Variants in PDE4D observed in about 807,000 individuals in gnomAD.
PDE4D encodes 3',5'-cyclic-AMP phosphodiesterase 4D.
Under a neutral mutation model 87.4 loss-of-function variants are expected in PDE4D, and 24 were observed. The ratio of observed to expected loss-of-function variants is 0.27; its 90% confidence interval spans 0.20 to 0.39. PDE4D has a LOEUF of 0.39. Among genes scored for constraint, PDE4D ranks in the 10% least tolerant of loss-of-function variants. PDE4D has a pLI of 1.00. For synonymous variants in PDE4D, 384 were observed against 383.2 expected, an observed-to-expected ratio of 1.00 and a Z score of -0.02; for missense variants, 714 against 1,041.0, an observed-to-expected ratio of 0.69 and a Z score of 4.32.
intron 1 of PDE4D, among the ~76,000 whole-genome samples, chr5:59,248,518 C>A (rs764859121): frequency 6.6e-6 from 1 of 151,996 alleles, no homozygotes; most frequent in Non-Finnish European, 1.5e-5. Context: ...ATAATCAACT[C>A]CCTGGGACAA....
chr5:59,200,033 G>A (rs367841535), intron 2 of PDE4D, among the ~76,000 whole-genome samples: 1,843 of 94,616 alleles, frequency 0.019, 12 homozygotes, highest in Admixed American at 0.033. Flanking sequence ...ATACATACAT[G>A]CACACACACG....
intron 1 of PDE4D, among the ~76,000 whole-genome samples, chr5:59,681,553 C>T (rs1343987852): frequency 6.6e-6 from 1 of 152,030 alleles, no homozygotes; most frequent in African/African-American, 2.4e-5. Flanking sequence ...TGAGAGCATT[C>T]CCTTCATGAA....
intron 1 of PDE4D, among the ~76,000 whole-genome samples, chr5:59,536,532 A>AG (rs1815300686): frequency 6.9e-6 from 1 of 144,710 alleles, no homozygotes; most frequent in Non-Finnish European, 1.5e-5. Context: ...AAAAAAAAAA[A>AG]AAAATTACCT....
At chr5:59,046,110 C>T (rs1244681827) in intron 5 of PDE4D, among the ~76,000 whole-genome samples, 1 of 152,066 alleles carries the variant, frequency 6.6e-6, no homozygotes, top group Non-Finnish European at 1.5e-5. Flanking sequence ...TGGAATTCAC[C>T]AGAATTTCTT....
intron 3 of PDE4D, among the ~76,000 whole-genome samples, chr5:59,955,121 GAAGAGGTTATAT>G (rs1758693010): frequency 6.6e-6 from 1 of 152,078 alleles, no homozygotes; most frequent in Non-Finnish European, 1.5e-5. Context: ...ATAAGTAAAA[GAAGAGGTTATAT>G]AAGCTTTTAT....
At chr5:59,000,872 AGAGACGGG>A (rs1230222726) in intron 6 of PDE4D, among the ~76,000 whole-genome samples, 2 of 152,020 alleles carry the variant, frequency 1.3e-5, no homozygotes, top group African/African-American at 4.8e-5. Context: ...TATTTTTAGC[AGAGACGGG>A]ATTTCACCAT....
In PDE4D at chr5:59,463,839, T is replaced by C. The variant is rs192288339; in HGVS notation, c.456-247871A>G. ...GTCACTGTGTCTGTGTAGAAAGAAG[T>C]AGACATAGGAGACTCCATTTTGTTC... On this transcript the variant is annotated intron_variant, in intron 1 of 14. Coordinates refer to ENST00000340635, the MANE Select transcript of PDE4D (RefSeq NM_001104631.2). Among the ~76,000 whole-genome samples the C allele has an allele frequency of 1.4e-4, 22 of 152,278 alleles. No homozygotes were observed. In the East Asian group the frequency reaches 3.5e-3, roughly 24 times the overall value.
intron 1 of PDE4D, chr5:59,703,736 C>A: frequency 2.4e-6 from 1 of 412,110 alleles, no homozygotes; most frequent in Non-Finnish European, 5.1e-6. Flanking sequence ...GAGAGATTTG[C>A]TAGTGGTGTT....
intron 1 of PDE4D, among the ~76,000 whole-genome samples, chr5:59,472,675 G>A (rs1183272393): frequency 1.3e-5 from 2 of 152,048 alleles, no homozygotes; most frequent in Non-Finnish European, 2.9e-5. Context: ...CTTCCAATAT[G>A]CTTTGAAATT....
intron 6 of PDE4D, among the ~76,000 whole-genome samples, chr5:59,005,769 T>C (rs1416376791): frequency 6.6e-6 from 1 of 152,242 alleles, no homozygotes; most frequent in Non-Finnish European, 1.5e-5. Flanking sequence ...CCTTCTTACA[T>C]ATTCAATAAC....
intron 1 of PDE4D, among the ~76,000 whole-genome samples, chr5:60,186,534 A>T (rs1784797356): frequency 6.6e-6 from 1 of 152,174 alleles, no homozygotes. Flanking sequence ...GTGGGCTGAT[A>T]TTTTCTTTCT....
chr5:59,213,301 A>C (rs1750495292), intron 2 of PDE4D, among the ~76,000 whole-genome samples: 2 of 151,950 alleles, frequency 1.3e-5, no homozygotes, highest in South Asian at 4.2e-4. Context: ...GCTGGGACTA[A>C]AGGCATGTGC....
chr5:59,970,770 T>C (rs1466222821), intron 3 of PDE4D, among the ~76,000 whole-genome samples: 6 of 147,686 alleles, frequency 4.1e-5, no homozygotes, highest in Non-Finnish European at 9.0e-5. Flanking sequence ...GACTGTAAAC[T>C]AGTTCAACCA....
At chr5:59,706,610 G>T (rs539213463) in intron 1 of PDE4D, among the ~76,000 whole-genome samples, 1 of 152,256 alleles carries the variant, frequency 6.6e-6, no homozygotes, top group African/African-American at 2.4e-5. Context: ...GAGGTTTCAG[G>T]TTTAGCATCT....
chr5:59,970,441 T>A (rs1451537122), intron 3 of PDE4D, among the ~76,000 whole-genome samples: 3 of 151,714 alleles, frequency 2.0e-5, no homozygotes, highest in African/African-American at 7.3e-5. Context: ...TGGGAGAAAA[T>A]TTTCGCAACC....
intron 5 of PDE4D, chr5:59,125,186 C>T (rs1334938136): frequency 1.7e-6 from 1 of 581,006 alleles, no homozygotes; most frequent in Non-Finnish European, 2.2e-6. Flanking sequence ...TTCCATGGCT[C>T]ATTAAGCTAG....
In PDE4D at chr5:59,649,905, C is replaced by CTTTT. The variant is rs1156467369; in HGVS notation, c.455+243259_455+243262dup. ...GTTAAAATGTTGATAGTTTGTGAAC[C>CTTTT]TTTTTTTTTTTTTTTTTTTTTTTTT... On this transcript the variant is annotated intron_variant, in intron 1 of 14. Coordinates refer to ENST00000340635, the MANE Select transcript of PDE4D (RefSeq NM_001104631.2). Among the ~76,000 whole-genome samples the CTTTT allele has an allele frequency of 2.8e-4, 20 of 72,442 alleles. 1 individual carries two copies. Among genetic ancestry groups the CTTTT allele is most frequent in the South Asian group, 2.2e-3 (4 of 1,806 alleles). 47.5% of individuals were successfully genotyped at this position (72,442 alleles called of 152,430 possible).
At chr5:60,106,716 A>G (rs1293917266) in intron 2 of PDE4D, among the ~76,000 whole-genome samples, 7 of 152,174 alleles carry the variant, frequency 4.6e-5, no homozygotes, top group East Asian at 3.8e-4. Flanking sequence ...ATTCAAAACC[A>G]CTCAACTACA....
intron 1 of PDE4D, among the ~76,000 whole-genome samples, chr5:59,327,762 T>C (rs1285038087): frequency 6.6e-6 from 1 of 152,174 alleles, no homozygotes; most frequent in Non-Finnish European, 1.5e-5. Context: ...TTTGAAATAC[T>C]AGAAAGAATG....
Sources: gnomAD v4.1 joint callset for allele counts (sites outside exome capture counted in the v4.1 genomes callset) on GRCh38, gnomAD v4.1.1 for gene constraint, MANE v1.5 for transcripts, NCBI Gene and HGNC (gene_info 2026-07-23, HGNC 2026-07-21) for gene names.